The following SEC23IP variants were observed in gnomAD, a reference collection of about 807,000 sequenced individuals.
SEC23IP encodes the protein SEC23 interacting protein.
Under a neutral mutation model 113.4 loss-of-function variants are expected in SEC23IP, and 70 were observed. The observed-to-expected ratio is 0.62, with a 90% CI of 0.51 to 0.75. SEC23IP has a LOEUF of 0.75. Ranked by LOEUF, SEC23IP falls within the 30% of genes least tolerant of loss-of-function variation. SEC23IP has a pLI of 0.00. For synonymous variants in SEC23IP, 398 were observed against 421.0 expected (o/e 0.95, Z 0.67); for missense variants, 1,160 against 1,204.9 (o/e 0.96, Z 0.55).
chr10:119,897,549 T>C (rs1854318656), intron 1 of SEC23IP, among the ~76,000 whole-genome samples: 1 of 152,236 alleles, frequency 6.6e-6, no homozygotes, highest in Non-Finnish European at 1.5e-5. Context: ...TGTTCATTTG[T>C]ACAATAAGTG....
chr10:119,932,280 A>T lies in SEC23IP; in HGVS notation c.2720A>T (p.Asn907Ile). 1 of 1,614,088 alleles carries T rather than the reference A, an allele frequency of 6.2e-7. No homozygotes were observed. Among genetic ancestry groups the T allele is most frequent in the Non-Finnish European group, 8.5e-7 (1 of 1,179,972 alleles). ...QLQEELEKVA[N>I]QIKEEEEKQV... is the part of the protein sequence containing the mutation. ...CAAGAAGAATTGGAGAAGGTGGCCAATCAGATCAAAGAAGAAGAAGAAAAG... is the reference window on the plus strand; with the variant it reads ...CAAGAAGAATTGGAGAAGGTGGCCATTCAGATCAAAGAAGAAGAAGAAAAG... The change falls in exon 16 of 19, where the codon AAT becomes ATT. Residue 907 changes from asparagine to isoleucine, a missense_variant. Physicochemically the swap from Asn to Ile is moderately radical, Grantham distance 149. Coordinates refer to ENST00000369075, the MANE Select transcript of SEC23IP (RefSeq NM_007190.4).
chr10:119,933,678 T>G lies in SEC23IP; in HGVS notation c.2922-8T>G, dbSNP rs748882302. The G allele has an allele frequency of 6.8e-7, 1 of 1,478,612 alleles. No individual in the cohort carries two copies. The highest frequency in any genetic ancestry group is 9.4e-7 in the Non-Finnish European group (1 of 1,058,244). The allele number at this position is 1,478,612 out of a possible 1,614,324, so 91.6% of individuals were successfully genotyped here. ...TCTCTTAAGTAAATATGCTTTTCCT[T>G]TTCATAGGGAATCTGAAGATACTGC... On this transcript the variant is annotated splice_region_variant and splice_polypyrimidine_tract_variant and intron_variant, in intron 17 of 18. Coordinates refer to ENST00000369075, the MANE Select transcript of SEC23IP (RefSeq NM_007190.4).
At position 119,919,613 on chromosome 10, in the gene SEC23IP, G is replaced by T; in HGVS notation, c.2025+17G>T. On this transcript the variant is annotated intron_variant, in intron 11 of 18. Transcript: ENST00000369075. Reference sequence around the variant, plus strand: ...GAGTCCCTGGTACTGATCATAGTTTGCTTCATTTTGTTTGAAATTGTTTTT... The same window carrying T: ...GAGTCCCTGGTACTGATCATAGTTTTCTTCATTTTGTTTGAAATTGTTTTT... The T allele has an allele frequency of 6.4e-7, 1 of 1,552,376 alleles. No homozygotes were observed. The highest frequency in any genetic ancestry group is 1.2e-5 in the South Asian group (1 of 80,976).
Position 119,917,842 on chromosome 10 carries a change from T to C in SEC23IP, c.1551T>C (p.Ile517=). 6.2e-7 allele frequency: 1 copy of C among 1,612,680 alleles called. No homozygotes were observed. Among genetic ancestry groups the C allele is most frequent in the Non-Finnish European group, 8.5e-7 (1 of 1,178,948 alleles). The change falls in exon 9 of 19, where the codon ATT becomes ATC. Residue 517 remains isoleucine, a synonymous_variant. Transcript: ENST00000369075. The stretch of plus-strand genomic sequence containing the variant: ...TATTTTTCTTTTTAAACAGGAATAT[T>C]AAGAAAATCACTTTGCCAAGTATTG... ...GGDATGVDRN[I]KKITLPSIGR... is the part of the protein sequence containing the mutation.
chr10:119,922,596 C>T (rs1221115913), intron 12 of SEC23IP, among the ~76,000 whole-genome samples: 1 of 152,022 alleles, frequency 6.6e-6, no homozygotes, highest in African/African-American at 2.4e-5. Flanking sequence ...TGCAATCTTA[C>T]ATAGTAGTAA....
rs556524749 is a variant in SEC23IP, at chr10:119,902,894, C to T, written c.792C>T (p.Asn264=). The T allele has an allele frequency of 1.9e-6, 3 of 1,614,198 alleles. No individual in the cohort carries two copies. In the African/African-American group the frequency reaches 4.0e-5, roughly 22 times the overall value. ...TGCCATCTCCTTTTCTACTTCAAAACCAATATGAGCCTGTTCAGCCCCACT... is the reference window on the plus strand; with the variant it reads ...TGCCATCTCCTTTTCTACTTCAAAATCAATATGAGCCTGTTCAGCCCCACT... ...VQVPSPFLLQ[N]QYEPVQPHWF... Residue 264 remains asparagine (N), a synonymous_variant, in exon 3 of 19, where the codon AAC becomes AAT. Coordinates refer to ENST00000369075, the MANE Select transcript of SEC23IP (RefSeq NM_007190.4).
chr10:119,897,454 A>G (rs563383940), intron 1 of SEC23IP, among the ~76,000 whole-genome samples: 5 of 152,324 alleles, frequency 3.3e-5, no homozygotes, highest in African/African-American at 1.2e-4. Context: ...GCAATTTGGT[A>G]TTCTGTAATG....
In SEC23IP at chr10:119,898,288, A is replaced by G. The variant is rs959953703; in HGVS notation, c.164-139A>G. On this transcript the variant is annotated intron_variant, in intron 1 of 18. Coordinates refer to ENST00000369075, the MANE Select transcript of SEC23IP (RefSeq NM_007190.4). ...AAGTTTTCAAAGAAAAAAAGAAAAAACTGTTTTTTTCTGTAATGCAGAAAT... is the reference window on the plus strand; with the variant it reads ...AAGTTTTCAAAGAAAAAAAGAAAAAGCTGTTTTTTTCTGTAATGCAGAAAT... 6.1e-6 allele frequency: 8 copies of G among 1,311,102 alleles called. No individual in the cohort carries two copies. In the African/African-American group the frequency reaches 1.4e-4, roughly 24 times the overall value. The allele number at this position is 1,311,102 out of a possible 1,614,324, so 81.2% of individuals were successfully genotyped here.
At chr10:119,935,705 A>G (rs1361806707) in intron 18 of SEC23IP, among the ~76,000 whole-genome samples, 1 of 152,214 alleles carries the variant, frequency 6.6e-6, no homozygotes, top group Non-Finnish European at 1.5e-5. Context: ...TGGAAGGCAG[A>G]CAGCACGTGG....
At chr10:119,903,172 G>A (rs1189983066) in intron 3 of SEC23IP, among the ~76,000 whole-genome samples, 163 bp downstream of exon 3, 1 of 152,190 alleles carries the variant, frequency 6.6e-6, no homozygotes, top group East Asian at 1.9e-4. Flanking sequence ...TGAGTTACCT[G>A]GGTAAGGTAT....
At chr10:119,916,212 C>T (rs1483494830) in intron 8 of SEC23IP, among the ~76,000 whole-genome samples, 1 of 152,148 alleles carries the variant, frequency 6.6e-6, no homozygotes, top group Non-Finnish European at 1.5e-5. Context: ...ACAAAAATGT[C>T]TCCAGAAATT....
intron 6 of SEC23IP, among the ~76,000 whole-genome samples, chr10:119,913,934 C>T (rs964523743): frequency 2.0e-5 from 3 of 151,738 alleles, no homozygotes; most frequent in African/African-American, 7.3e-5. Context: ...AGTGGATCAC[C>T]TGAGGTCAGG....
rs1854366629 is a variant in SEC23IP, at chr10:119,898,625, C to T, written c.362C>T (p.Pro121Leu). 6.2e-7 allele frequency: 1 copy of T among 1,614,216 alleles called. No individual in the cohort carries two copies. Among genetic ancestry groups the T allele is most frequent in the Non-Finnish European group, 8.5e-7 (1 of 1,180,048 alleles). ...TTCCCCAAGCCCCTGACTGCTCTCC[C>T]TTTTACAACTGGATCCCAAGATGTC... ...SGFPKPLTAL[P>L]FTTGSQDVSN... is the part of the protein sequence containing the mutation. Residue 121 changes from proline (P) to leucine (L), a missense_variant, in exon 2 of 19, where the codon CCT becomes CTT. Physicochemically the swap from Pro to Leu is moderately conservative, Grantham distance 98. Transcript: ENST00000369075.
At chr10:119,911,925 C>T in intron 5 of SEC23IP, 119 bp from the exon 6 acceptor site, 2 of 1,242,164 alleles carry the variant, frequency 1.6e-6, no homozygotes, top group Admixed American at 2.2e-5. Flanking sequence ...GGGAACAGTA[C>T]TAATAATTTA....
intron 18 of SEC23IP, among the ~76,000 whole-genome samples, chr10:119,939,871 T>A (rs1226370142): frequency 6.6e-6 from 1 of 152,004 alleles, no homozygotes. Context: ...AATTTTTTTA[T>A]TTTTTGGTAG....
chr10:119,923,192 G>GT lies in SEC23IP; in HGVS notation c.2121+2212dup, dbSNP rs1855305955. 2.0e-5 allele frequency among the ~76,000 whole-genome samples: 3 copies of GT among 152,054 alleles called. No homozygotes were observed. In the South Asian group the frequency reaches 6.2e-4, roughly 31 times the overall value. On this transcript the variant is annotated intron_variant, in intron 12 of 18. Transcript: ENST00000369075. ...ATATAAATTATGGCATTATAAGAAT[G>GT]TTTTGAAATGAGCAAAAATCTATAG... is the stretch of plus-strand genomic sequence containing the variant.
In SEC23IP at chr10:119,914,513, C is replaced by T. The variant is rs183783482; in HGVS notation, c.1313-217C>T. The stretch of plus-strand genomic sequence containing the variant: ...ATTAGCTTCCAGGAACAGAGAGAGC[C>T]TGCTGCCTCCACCTCTTGTTCTAGT... On this transcript the variant is annotated intron_variant, in intron 6 of 18. Coordinates refer to ENST00000369075, the MANE Select transcript of SEC23IP (RefSeq NM_007190.4). 1,491 of 506,896 alleles carry T rather than the reference C, an allele frequency of 2.9e-3. 8 individuals carry two copies. The highest frequency in any genetic ancestry group is 3.6e-3 in the Non-Finnish European group (1,010 of 279,772). 31.4% of individuals were successfully genotyped at this position (506,896 alleles called of 1,614,324 possible).
intron 1 of SEC23IP, among the ~76,000 whole-genome samples, chr10:119,893,593 C>T (rs530899431): frequency 1.4e-5 from 2 of 146,710 alleles, no homozygotes; most frequent in Non-Finnish European, 3.0e-5. Flanking sequence ...GATCTCGGCT[C>T]ACTGCAGCCT....
chr10:119,910,377 A>C (rs1854818603), intron 5 of SEC23IP, among the ~76,000 whole-genome samples: 2 of 152,228 alleles, frequency 1.3e-5, no homozygotes. Flanking sequence ...CCTCACCTGC[A>C]ATAATGATCT....
Sources: gnomAD v4.1 joint callset for allele counts (sites outside exome capture counted in the v4.1 genomes callset) on GRCh38, gnomAD v4.1.1 for gene constraint, MANE v1.5 for transcripts, NCBI Gene and HGNC (gene_info 2026-07-23, HGNC 2026-07-21) for gene names.